The following SPAST variants were observed in gnomAD, a reference collection of about 807,000 sequenced individuals.
The protein encoded by SPAST is spastic paraplegia 4 (autosomal dominant; spastin).
A neutral mutation model predicts 76.6 loss-of-function variants in SPAST; 30 were observed. That is an observed-to-expected ratio of 0.39 (90% CI 0.29 to 0.53). The LOEUF (loss-of-function observed/expected upper bound fraction) is 0.53, where lower values mean the gene tolerates loss of function less well. SPAST is among the 20% of genes least tolerant of loss of function. The pLI, the probability that SPAST is intolerant of heterozygous loss-of-function variation, is 0.68. For synonymous variants in SPAST, 305 were observed against 281.0 expected (o/e 1.09, Z -0.86); for missense variants, 717 against 770.5 (o/e 0.93, Z 0.82).
chr2:32,076,883 T>G (rs943055849), intron 1 of SPAST, among the ~76,000 whole-genome samples: 1 of 150,740 alleles, frequency 6.6e-6, no homozygotes, highest in Non-Finnish European at 1.5e-5. Flanking sequence ...TTGTTTTTTG[T>G]TTTTTTTTCT....
intron 12 of SPAST, among the ~76,000 whole-genome samples, chr2:32,139,801 C>T (rs971561484): frequency 2.0e-5 from 3 of 150,044 alleles, no homozygotes; most frequent in Non-Finnish European, 3.0e-5. Context: ...TGCACTGCAG[C>T]CTGGGTGTGA....
intron 9 of SPAST, 117 bp downstream of exon 9, chr2:32,128,596 C>G: frequency 2.8e-6 from 2 of 722,708 alleles, no homozygotes; most frequent in South Asian, 3.0e-5. Flanking sequence ...TCTATTGTAT[C>G]TATTATTTAC....
rs758068759 is a variant in SPAST, at chr2:32,137,156, T to C, written c.1461T>C (p.Asn487=). The stretch of plus-strand genomic sequence containing the variant: ...GAGTACTTGTAATGGGTGCAACTAA[T>C]AGGCCACAAGAGCTTGATGAGGCTG... The part of the protein sequence containing the change: ...DDRVLVMGAT[N]RPQELDEAVL... Residue 487 remains asparagine (N), a synonymous_variant, in exon 12 of 17, where the codon AAT becomes AAC. Transcript: ENST00000315285. 3.1e-6 allele frequency: 5 copies of C among 1,613,938 alleles called. No individual in the cohort carries two copies. The highest frequency in any genetic ancestry group is 4.2e-6 in the Non-Finnish European group (5 of 1,179,818).
rs528654961 is a variant in SPAST at position 32,065,700 on chromosome 2, A to G, written c.415+1454A>G. Among the ~76,000 whole-genome samples the G allele has an allele frequency of 3.0e-3, 461 of 152,286 alleles. 1 individual carries two copies. Among genetic ancestry groups the G allele is most frequent in the African/African-American group, 0.011 (438 of 41,574 alleles). ...ACACCTCAATTAGATACTCACTTGC[A>G]TTGTCCATTAGTGAAAACAGAAACA... On this transcript the variant is annotated intron_variant, in intron 1 of 16. Coordinates refer to ENST00000315285, the MANE Select transcript of SPAST (RefSeq NM_014946.4).
chr2:32,123,252 A>C (rs1679077544), intron 7 of SPAST, among the ~76,000 whole-genome samples: 1 of 138,316 alleles, frequency 7.2e-6, no homozygotes, highest in Non-Finnish European at 1.6e-5. Flanking sequence ...ACAGAGCAAG[A>C]CTCCGTCTCA....
At chr2:32,116,069 T>C (rs1000643565) in intron 6 of SPAST, 50 bp from the exon 7 acceptor site, 1 of 1,330,968 alleles carries the variant, frequency 7.5e-7, no homozygotes, top group Non-Finnish European at 1.1e-6. Context: ...CATCTTGTAA[T>C]AACTGGGCCC....
Position 32,114,013 on chromosome 2 carries a change from G to A in SPAST, c.683-625G>A, listed in dbSNP as rs370509833. 1.1e-4 allele frequency among the ~76,000 whole-genome samples: 17 copies of A among 151,326 alleles called. No individual in the cohort carries two copies. The East Asian group carries it at 1.5e-3, about 14-fold the overall frequency. On this transcript the variant is annotated intron_variant, in intron 4 of 16. Coordinates refer to ENST00000315285, the MANE Select transcript of SPAST (RefSeq NM_014946.4). Reference sequence around the variant, plus strand: ...GGCTGGAGTGCAGTGGCACGATCTCGGCTCACTTCAACCTCTGACTCCGTG... The same window carrying A: ...GGCTGGAGTGCAGTGGCACGATCTCAGCTCACTTCAACCTCTGACTCCGTG...
At chr2:32,086,705 C>A (rs1432909561) in intron 1 of SPAST, among the ~76,000 whole-genome samples, 1 of 151,648 alleles carries the variant, frequency 6.6e-6, no homozygotes, top group African/African-American at 2.4e-5. Context: ...TTGCAATGAG[C>A]CGAGATTGCA....
At chr2:32,106,815 G>C (rs1296204576) in intron 4 of SPAST, among the ~76,000 whole-genome samples, 1 of 151,504 alleles carries the variant, frequency 6.6e-6, no homozygotes, top group Admixed American at 6.6e-5. Flanking sequence ...GCTGTTTCAA[G>C]TATCGATATA....
Position 32,119,847 on chromosome 2 carries a change from T to A in SPAST, c.1098+3635T>A, listed in dbSNP as rs530947153. On this transcript the variant is annotated intron_variant, in intron 7 of 16. Transcript: ENST00000315285. ...GAAAGCGTATATTCTTCTGTCCTTA[T>A]TTCATAGATCTCTTCTGTATCCTGT... is the stretch of plus-strand genomic sequence containing the variant. Among the ~76,000 whole-genome samples, 14 of 152,336 alleles carry A rather than the reference T, an allele frequency of 9.2e-5. No homozygotes were observed. The South Asian group carries it at 2.9e-3, about 32-fold the overall frequency.
intron 13 of SPAST, among the ~76,000 whole-genome samples, chr2:32,142,733 T>C (rs1378760657): frequency 6.6e-6 from 1 of 151,828 alleles, no homozygotes; most frequent in East Asian, 1.9e-4. Flanking sequence ...AGCAGATCAG[T>C]GGGTTGTCAG....
intron 1 of SPAST, among the ~76,000 whole-genome samples, chr2:32,080,780 G>GTT (rs1336946468): frequency 4.3e-5 from 4 of 94,092 alleles, no homozygotes; most frequent in African/African-American, 1.2e-4. Context: ...GTCTGGCTCA[G>GTT]TTCTTTTTTT....
At chr2:32,108,002 A>G (rs1390905305) in intron 4 of SPAST, among the ~76,000 whole-genome samples, 1 of 152,108 alleles carries the variant, frequency 6.6e-6, no homozygotes, top group Non-Finnish European at 1.5e-5. Flanking sequence ...TTCTACTCAA[A>G]ATTACTAGAC....
At chr2:32,123,432 A>G (rs1352991102) in intron 7 of SPAST, among the ~76,000 whole-genome samples, 2 of 152,180 alleles carry the variant, frequency 1.3e-5, no homozygotes, top group Non-Finnish European at 2.9e-5. Flanking sequence ...AGGGAGACTA[A>G]ATATTATTGA....
At chr2:32,100,872 T>A (rs1678094647) in intron 4 of SPAST, among the ~76,000 whole-genome samples, 1 of 152,254 alleles carries the variant, frequency 6.6e-6, no homozygotes, top group Non-Finnish European at 1.5e-5. Context: ...GATGGACATT[T>A]GCATTGATTC....
chr2:32,073,022 A>G (rs147406809), intron 1 of SPAST, among the ~76,000 whole-genome samples: 1,686 of 152,294 alleles, frequency 0.011, 19 homozygotes, highest in Non-Finnish European at 0.017. Flanking sequence ...CATCTGCACC[A>G]AAGACACAAA....
At chr2:32,147,660 C>T (rs908183743) in intron 16 of SPAST, among the ~76,000 whole-genome samples, 2 of 133,440 alleles carry the variant, frequency 1.5e-5, no homozygotes, top group African/African-American at 5.6e-5. Context: ...GAGACGGAGT[C>T]TCACTCTGTC....
chr2:32,129,316 T>G (rs1679295505), intron 9 of SPAST: 2 of 151,858 alleles, frequency 1.3e-5, no homozygotes. Context: ...TTCAAATTCC[T>G]GGGCTTAAGC....
At chr2:32,149,719 T>C (rs1203759529) in intron 16 of SPAST, among the ~76,000 whole-genome samples, 1 of 152,160 alleles carries the variant, frequency 6.6e-6, no homozygotes, top group Non-Finnish European at 1.5e-5. Context: ...TTGTATTAGG[T>C]GTTATAAGTA....
Sources: allele counts gnomAD v4.1 joint callset (sites outside exome capture counted in the v4.1 genomes callset), GRCh38; gene constraint gnomAD v4.1.1; transcripts MANE v1.5; gene names NCBI Gene and HGNC (gene_info 2026-07-23, HGNC 2026-07-21).